Variants in EPHA6 observed in about 807,000 individuals in gnomAD.
EPHA6 encodes ephrin type-A receptor 6.
A neutral mutation model predicts 112.0 loss-of-function variants in EPHA6; 50 were observed. The observed-to-expected ratio is 0.45, with a 90% CI of 0.36 to 0.56. The LOEUF is 0.56. Among genes scored for constraint, EPHA6 ranks in the 20% least tolerant of loss-of-function variants. The pLI is 0.00. For missense variants in EPHA6, 1,280 were observed against 1,417.4 expected (o/e 0.90, Z 1.56); for synonymous variants, 529 against 490.7 (o/e 1.08, Z -1.03).
intron 10 of EPHA6, among the ~76,000 whole-genome samples, chr3:97,503,753 G>A (rs1190554549): frequency 6.6e-6 from 1 of 152,102 alleles, no homozygotes; most frequent in Non-Finnish European, 1.5e-5. Context: ...CTCATTTTAT[G>A]TTAAGTATGA....
At position 97,508,775 on chromosome 3, in the gene EPHA6, T is replaced by C. The variant is rs1185632994; in HGVS notation, c.2201-23583T>C. 3.3e-5 allele frequency among the ~76,000 whole-genome samples: 5 copies of C among 152,050 alleles called. No homozygotes were observed. The East Asian group carries it at 9.6e-4, about 29-fold the overall frequency. On this transcript the variant is annotated intron_variant, in intron 10 of 17. Transcript: ENST00000389672. ...AGTGGGGTGTTAAATCTCCCTCTAT[T>C]ATTGTGTGGGAGTCTAAGTCTCTTC...
At chr3:97,204,949 A>G (rs539243684) in intron 3 of EPHA6, among the ~76,000 whole-genome samples, 3 of 152,258 alleles carry the variant, frequency 2.0e-5, no homozygotes, top group East Asian at 3.9e-4. Context: ...GTTTTTGGAT[A>G]TATTTTAGAA....
At chr3:96,934,333 T>G (rs1383070125) in intron 2 of EPHA6, among the ~76,000 whole-genome samples, 1 of 151,780 alleles carries the variant, frequency 6.6e-6, no homozygotes, top group Non-Finnish European at 1.5e-5. Context: ...TATGATCCAT[T>G]TTTTATTTTA....
chr3:97,284,519 C>T (rs1483622362), intron 5 of EPHA6, among the ~76,000 whole-genome samples: 1 of 152,092 alleles, frequency 6.6e-6, no homozygotes, highest in Non-Finnish European at 1.5e-5. Flanking sequence ...TAATTTTTAG[C>T]CATATGCTTG....
chr3:97,284,199 T>G (rs1047461393), intron 5 of EPHA6, among the ~76,000 whole-genome samples: 28 of 152,282 alleles, frequency 1.8e-4, no homozygotes, highest in Admixed American at 5.9e-4. Context: ...TGCATAAAAG[T>G]ATAGTCAATA....
intron 3 of EPHA6, among the ~76,000 whole-genome samples, chr3:97,097,941 T>C (rs1025749786): frequency 1.3e-5 from 2 of 151,906 alleles, no homozygotes; most frequent in African/African-American, 4.8e-5. Context: ...GTTCTACTCC[T>C]GTCAAATTAA....
chr3:97,265,371 C>T (rs1467435263), intron 5 of EPHA6, among the ~76,000 whole-genome samples: 1 of 152,170 alleles, frequency 6.6e-6, no homozygotes, highest in African/African-American at 2.4e-5. Context: ...TGTCACCACC[C>T]CCAACATCGG....
At chr3:97,144,983 A>G (rs957793646) in intron 3 of EPHA6, among the ~76,000 whole-genome samples, 6 of 151,436 alleles carry the variant, frequency 4.0e-5, no homozygotes, top group African/African-American at 1.5e-4. Context: ...TTTTCTATCA[A>G]TGCGCTCCTA....
At chr3:97,603,829 A>G (rs1412632812) in intron 12 of EPHA6, among the ~76,000 whole-genome samples, 3 of 151,916 alleles carry the variant, frequency 2.0e-5, no homozygotes, top group African/African-American at 7.2e-5. Flanking sequence ...AAACCTGTCA[A>G]TTTCAGGCAT....
intron 3 of EPHA6, among the ~76,000 whole-genome samples, chr3:97,185,427 A>C (rs546741227): frequency 6.6e-6 from 1 of 152,090 alleles, no homozygotes; most frequent in Non-Finnish European, 1.5e-5. Flanking sequence ...ACACTTCTCA[A>C]AAGAAGACAT....
chr3:97,373,723 G>C (rs1483005152), intron 5 of EPHA6, among the ~76,000 whole-genome samples: 3 of 152,000 alleles, frequency 2.0e-5, no homozygotes, highest in Non-Finnish European at 4.4e-5. Context: ...ATGATTCTGA[G>C]CTTATCTTTT....
intron 6 of EPHA6, among the ~76,000 whole-genome samples, chr3:97,445,059 A>G (rs1320753250): frequency 6.6e-6 from 1 of 152,120 alleles, no homozygotes; most frequent in African/African-American, 2.4e-5. Flanking sequence ...CGTTCACACT[A>G]TTTGGTTCCA....
At chr3:96,826,884 G>A (rs1274387177) in intron 1 of EPHA6, among the ~76,000 whole-genome samples, 2 of 152,102 alleles carry the variant, frequency 1.3e-5, no homozygotes, top group East Asian at 3.9e-4. Flanking sequence ...TTTACCAACA[G>A]CTGAATAAGT....
intron 3 of EPHA6, among the ~76,000 whole-genome samples, chr3:97,054,497 A>G (rs900145668): frequency 2.4e-4 from 37 of 152,054 alleles, no homozygotes; most frequent in Non-Finnish European, 1.5e-5. Flanking sequence ...AAAGACTTTA[A>G]TAAGTGCATC....
intron 3 of EPHA6, among the ~76,000 whole-genome samples, chr3:97,224,023 T>C (rs545171287): frequency 1.3e-5 from 2 of 152,074 alleles, no homozygotes; most frequent in African/African-American, 4.8e-5. Context: ...GGATTTCAAA[T>C]ACTTCGAGAA....
chr3:97,321,622 T>A (rs1474088876), intron 5 of EPHA6, among the ~76,000 whole-genome samples: 1 of 151,912 alleles, frequency 6.6e-6, no homozygotes, highest in Admixed American at 6.6e-5. Context: ...CCAAATATCA[T>A]CTGAAAATCT....
In EPHA6 at chr3:96,912,913, T is replaced by TC. The variant is rs149356468; in HGVS notation, c.450+46026dup. On this transcript the variant is annotated intron_variant, in intron 2 of 17. Coordinates refer to ENST00000389672, the MANE Select transcript of EPHA6 (RefSeq NM_001080448.3). ...GGCCTTCTGTAGACATATTCTCAAG[T>TC]CCATAAGCAAGAGAGAGAACATAGT... 7.3e-3 allele frequency among the ~76,000 whole-genome samples: 1,108 copies of TC among 152,078 alleles called. 39 individuals carry two copies. In the East Asian group the frequency reaches 0.11, roughly 15 times the overall value.
intron 3 of EPHA6, among the ~76,000 whole-genome samples, chr3:97,011,485 G>T (rs888397187): frequency 1.3e-5 from 2 of 152,112 alleles, no homozygotes; most frequent in Non-Finnish European, 2.9e-5. Flanking sequence ...ACAAGGGAGG[G>T]ATTATCTTTA....
rs1553791564 is a variant in EPHA6 at position 97,493,623 on chromosome 3, C to CTGAG, written c.2200+9566_2200+9567insAGTG. Among the ~76,000 whole-genome samples the CTGAG allele has an allele frequency of 1.5e-3, 228 of 147,390 alleles. 2 individuals are homozygous for CTGAG. Among genetic ancestry groups the CTGAG allele is most frequent in the African/African-American group, 5.1e-3 (207 of 40,248 alleles). On this transcript the variant is annotated intron_variant, in intron 10 of 17. Coordinates refer to ENST00000389672, the MANE Select transcript of EPHA6 (RefSeq NM_001080448.3). ...TTTTGGGGGGACACAATTTAGTCCT[C>CTGAG]TGTGTGTGTGTGTGTGTGTAGTGGG...
Sources: gnomAD v4.1 joint callset for allele counts (sites outside exome capture counted in the v4.1 genomes callset) on GRCh38, gnomAD v4.1.1 for gene constraint, MANE v1.5 for transcripts, NCBI Gene and HGNC (gene_info 2026-07-23, HGNC 2026-07-21) for gene names.